The following BAIAP2L1 variants were observed in gnomAD, a reference collection of about 807,000 sequenced individuals.
BAIAP2L1 encodes the protein BAR/IMD domain-containing adapter protein 2-like 1.
BAIAP2L1 carries 35 observed loss-of-function variants against 66.3 expected under a neutral mutation model. The observed-to-expected ratio is 0.53, with a 90% CI of 0.40 to 0.70. The LOEUF is 0.70. Ranked by LOEUF, BAIAP2L1 falls within the 30% of genes least tolerant of loss-of-function variation. BAIAP2L1 has a pLI of 0.00. For missense variants in BAIAP2L1, 622 were observed against 656.9 expected, an observed-to-expected ratio of 0.95 and a Z score of 0.58; for synonymous variants, 269 against 248.7, an observed-to-expected ratio of 1.08 and a Z score of -0.77.
intron 12 of BAIAP2L1, 29 bp from the exon 13 acceptor site, chr7:98,294,140 G>A (rs1476638156): frequency 6.2e-7 from 1 of 1,611,850 alleles, no homozygotes; most frequent in Non-Finnish European, 8.5e-7. Context: ...AGTTTATGGA[G>A]GGCTTAGAAT....
At chr7:98,371,409 T>C (rs558966649) in intron 1 of BAIAP2L1, among the ~76,000 whole-genome samples, 2 of 152,318 alleles carry the variant, frequency 1.3e-5, no homozygotes, top group African/African-American at 4.8e-5. Context: ...AGCTTGGTTC[T>C]ACCGCAAAAC....
intron 1 of BAIAP2L1, among the ~76,000 whole-genome samples, chr7:98,384,932 C>CA (rs1210036748): frequency 2.6e-5 from 4 of 152,106 alleles, no homozygotes; most frequent in African/African-American, 9.7e-5. Flanking sequence ...CTCCCGAACT[C>CA]AGGTGATCCA....
intron 3 of BAIAP2L1, among the ~76,000 whole-genome samples, chr7:98,330,760 A>T (rs1407211817): frequency 6.6e-6 from 1 of 152,166 alleles, no homozygotes; most frequent in Non-Finnish European, 1.5e-5. Flanking sequence ...GGAAACTTCT[A>T]CTCATAGCAG....
intron 9 of BAIAP2L1, chr7:98,308,164 A>G (rs1562967750): frequency 4.9e-6 from 3 of 606,802 alleles, no homozygotes; most frequent in Non-Finnish European, 9.3e-6. Context: ...GCCCAAGGAC[A>G]AGGCGGTGTG....
At position 98,310,435 on chromosome 7, in the gene BAIAP2L1, A is replaced by AAT. The variant is rs1562968702; in HGVS notation, c.955+8_955+9dup. The AAT allele has an allele frequency of 7.6e-6, 12 of 1,577,458 alleles. No homozygotes were observed. The highest frequency in any genetic ancestry group is 1.0e-5 in the Non-Finnish European group (12 of 1,168,166). On this transcript the variant is annotated intron_variant, in intron 9 of 13. Coordinates refer to ENST00000005260, the MANE Select transcript of BAIAP2L1 (RefSeq NM_018842.5). ...AGGTATCTTCAAATAAATCAGACTG[A>AAT]ATCTCTTACCTGTTGAATTATTTAC...
intron 3 of BAIAP2L1, among the ~76,000 whole-genome samples, chr7:98,338,482 ATGAAGCCTCAAAATCTGCCTTCTCCCT>A (rs1005632253): frequency 1.3e-5 from 2 of 151,210 alleles, no homozygotes; most frequent in Admixed American, 6.6e-5. Context: ...CCTTTCTCGC[ATGAAGCCTCAAAATCTGCCTTCTCCCT>A]TGAAGCCTCA....
chr7:98,326,017 C>A (rs1476776892), intron 3 of BAIAP2L1, among the ~76,000 whole-genome samples: 1 of 152,228 alleles, frequency 6.6e-6, no homozygotes, highest in African/African-American at 2.4e-5. Flanking sequence ...GGTGCAATGG[C>A]TCACGTCCGT....
At chr7:98,358,434 T>G (rs1379869582) in intron 2 of BAIAP2L1, among the ~76,000 whole-genome samples, 3 of 152,054 alleles carry the variant, frequency 2.0e-5, no homozygotes, top group Non-Finnish European at 2.9e-5. Flanking sequence ...CATAGCTCAC[T>G]GCAGCCTCCA....
Position 98,360,686 on chromosome 7 carries a change from T to C in BAIAP2L1, c.127+1671A>G, listed in dbSNP as rs527867784. Among the ~76,000 whole-genome samples the C allele has an allele frequency of 2.3e-4, 35 of 151,758 alleles. No individual in the cohort carries two copies. In the South Asian group the frequency reaches 7.1e-3, roughly 31 times the overall value. Reference sequence around the variant, plus strand: ...AAAAAAAACTGCAGGTCACAGTGATTTCCTTCACAAGGACATCTAAAGCAA... The same window carrying C: ...AAAAAAAACTGCAGGTCACAGTGATCTCCTTCACAAGGACATCTAAAGCAA... On this transcript the variant is annotated intron_variant, in intron 2 of 13. Coordinates refer to ENST00000005260, the MANE Select transcript of BAIAP2L1 (RefSeq NM_018842.5).
intron 11 of BAIAP2L1, among the ~76,000 whole-genome samples, chr7:98,305,336 T>C (rs1311046661): frequency 2.7e-5 from 4 of 146,372 alleles, no homozygotes; most frequent in Non-Finnish European, 1.5e-5. Flanking sequence ...AAAAAAAAAA[T>C]GTAAACACTT....
At chr7:98,396,347 G>A (rs918508288) in intron 1 of BAIAP2L1, among the ~76,000 whole-genome samples, 2 of 152,260 alleles carry the variant, frequency 1.3e-5, no homozygotes, top group East Asian at 1.9e-4. Context: ...GGGATTACAG[G>A]CATGAGCCAC....
chr7:98,357,918 T>C (rs1317411985), intron 2 of BAIAP2L1, among the ~76,000 whole-genome samples: 1 of 152,202 alleles, frequency 6.6e-6, no homozygotes, highest in African/African-American at 2.4e-5. Context: ...ATTATGGTGC[T>C]TTCTGATTCT....
At chr7:98,335,390 T>C (rs1801595978) in intron 3 of BAIAP2L1, among the ~76,000 whole-genome samples, 1 of 152,126 alleles carries the variant, frequency 6.6e-6, no homozygotes, top group African/African-American at 2.4e-5. Flanking sequence ...ATAGGCTTTG[T>C]ACCATTTTAC....
chr7:98,360,402 T>C (rs1802242977), intron 2 of BAIAP2L1, among the ~76,000 whole-genome samples: 2 of 152,130 alleles, frequency 1.3e-5, no homozygotes, highest in Non-Finnish European at 2.9e-5. Context: ...TATTTCCAAA[T>C]TCTCACCAAG....
intron 1 of BAIAP2L1, among the ~76,000 whole-genome samples, chr7:98,376,968 T>A (rs1241646478): frequency 1.3e-5 from 2 of 152,158 alleles, no homozygotes; most frequent in African/African-American, 4.8e-5. Flanking sequence ...AAAGAGATTA[T>A]CTTCAATAAT....
At chr7:98,295,614 A>T (rs978843019) in intron 12 of BAIAP2L1, among the ~76,000 whole-genome samples, 2 of 152,010 alleles carry the variant, frequency 1.3e-5, no homozygotes, top group African/African-American at 4.8e-5. Flanking sequence ...GGCACGATTC[A>T]TGCCAATCCT....
At chr7:98,375,493 T>TA (rs1409608524) in intron 1 of BAIAP2L1, among the ~76,000 whole-genome samples, 2 of 151,806 alleles carry the variant, frequency 1.3e-5, no homozygotes, top group Non-Finnish European at 2.9e-5. Context: ...CTCATGCCTA[T>TA]AATCCCAGCA....
Position 98,346,357 on chromosome 7 carries a change from A to G in BAIAP2L1, c.214+8685T>C, listed in dbSNP as rs76822485. ...AATAAAAAATACAAAGTAGTGCTAC[A>G]GAAACGAAAGAAATCTCAAATAAAT... On this transcript the variant is annotated intron_variant, in intron 3 of 13. Transcript: ENST00000005260. Among the ~76,000 whole-genome samples, 703 of 152,356 alleles carry G rather than the reference A, an allele frequency of 4.6e-3. 10 individuals are homozygous for G. Among genetic ancestry groups the G allele is most frequent in the African/African-American group, 0.016 (662 of 41,584 alleles).
intron 1 of BAIAP2L1, among the ~76,000 whole-genome samples, chr7:98,368,488 C>T (rs985123059): frequency 5.9e-5 from 9 of 151,894 alleles, no homozygotes; most frequent in East Asian, 1.9e-4. Flanking sequence ...GTCAGAAGAT[C>T]GACACCATTC....
Sources: allele counts gnomAD v4.1 joint callset (sites outside exome capture counted in the v4.1 genomes callset), GRCh38; gene constraint gnomAD v4.1.1; transcripts MANE v1.5; gene names NCBI Gene and HGNC (gene_info 2026-07-23, HGNC 2026-07-21).